GNLY: variants seen among roughly 807,000 people sequenced by gnomAD.
GNLY encodes granulysin.
GNLY carries 15 observed loss-of-function variants against 18.5 expected under a neutral mutation model. The ratio of observed to expected loss-of-function variants is 0.81; its 90% confidence interval spans 0.54 to 1.25. The LOEUF is 1.25. GNLY is among the 50% of genes most tolerant of loss of function. GNLY has a pLI of 0.00. For missense variants in GNLY, 178 were observed against 186.9 expected, an observed-to-expected ratio of 0.95 and a Z score of 0.28; for synonymous variants, 77 against 74.9, an observed-to-expected ratio of 1.03 and a Z score of -0.14.
chr2:85,695,309 G>C lies in GNLY; in HGVS notation c.53-11G>C, dbSNP rs538989463. On this transcript the variant is annotated splice_polypyrimidine_tract_variant and intron_variant, in intron 1 of 4. Coordinates refer to ENST00000263863, the MANE Select transcript of GNLY (RefSeq NM_006433.5). ...CCTGCGGAGGGGAAGCTGAAGTCTG[G>C]TCTTCCTCAGGTCTGGTCTTCTCTC... 4.0e-5 allele frequency: 63 copies of C among 1,579,606 alleles called. No homozygotes were observed. The South Asian group carries it at 6.0e-4, about 15-fold the overall frequency.
In GNLY at chr2:85,698,834, A is replaced by C; in HGVS notation, c.*260A>C. ...GGTGAGCTGTGTAGTCCTTCAATAA[A>C]TGTCTGTCGTGTGTCCCATACACTG... On this transcript the variant is annotated 3_prime_UTR_variant, in exon 5 of 5. Coordinates refer to ENST00000263863, the MANE Select transcript of GNLY (RefSeq NM_006433.5). The C allele has an allele frequency of 7.0e-7, 1 of 1,427,152 alleles. No individual in the cohort carries two copies. Among genetic ancestry groups the C allele is most frequent in the Non-Finnish European group, 9.2e-7 (1 of 1,089,494 alleles). 88.4% of individuals were successfully genotyped at this position (1,427,152 alleles called of 1,614,324 possible). A position where few individuals can be genotyped will look rare whatever the true frequency, so the allele number is the denominator to read the frequency against.
At chr2:85,694,938 C>G in intron 1 of GNLY, 5 of 1,583,022 alleles carry the variant, frequency 3.2e-6, no homozygotes, top group Non-Finnish European at 4.3e-6. Flanking sequence ...GTGTGAGCCC[C>G]AAGGGCAAGA....
intron 1 of GNLY, 123 bp from the exon 2 acceptor site, chr2:85,695,197 C>T (rs1233764960): frequency 6.1e-6 from 5 of 825,818 alleles, no homozygotes; most frequent in East Asian, 5.3e-5. Flanking sequence ...GTATCCTGGC[C>T]CCCTGCAAGG....
In GNLY at chr2:85,694,429, G is replaced by T. The variant is rs10181739; in HGVS notation, c.11G>T (p.Trp4Leu). Residue 4 changes from tryptophan (W) to leucine (L), a missense_variant, in exon 1 of 5, where the codon TGG becomes TTG. By Grantham distance (61) the Trp-to-Leu change is moderately conservative. Transcript: ENST00000263863. Reference protein sequence around the residue: MATWALLLLAAMLL... With the variant: MATLALLLLAAMLL... ...AGCGGCTGCCCCACCATGGCTACCTGGGCCCTCCTGCTCCTTGCAGCCATG... is the reference window on the plus strand; with the variant it reads ...AGCGGCTGCCCCACCATGGCTACCTTGGCCCTCCTGCTCCTTGCAGCCATG... 1.2e-6 allele frequency: 2 copies of T among 1,614,072 alleles called. No homozygotes were observed. Among genetic ancestry groups the T allele is most frequent in the South Asian group, 2.2e-5 (2 of 91,074 alleles).
intron 1 of GNLY, chr2:85,694,736 C>T (rs535021839): frequency 1.0e-5 from 15 of 1,437,894 alleles, no homozygotes; most frequent in Non-Finnish European, 1.3e-5. Context: ...GCCTGAGACC[C>T]CCCTTTCCCT....
Position 85,697,501 on chromosome 2 carries a change from T to C in GNLY, c.256-5T>C. 6.2e-7 allele frequency: 1 copy of C among 1,611,768 alleles called. No individual in the cohort carries two copies. On this transcript the variant is annotated splice_polypyrimidine_tract_variant and splice_region_variant and intron_variant, in intron 3 of 4. Transcript: ENST00000263863. ...ACCATGTCCACTGTGGTGCTGCTGCTGCAGAGAAGTGTTTCCAATGCTGCG... is the reference window on the plus strand; with the variant it reads ...ACCATGTCCACTGTGGTGCTGCTGCCGCAGAGAAGTGTTTCCAATGCTGCG...
intron 2 of GNLY, 108 bp downstream of exon 2, chr2:85,695,531 G>A: frequency 1.4e-6 from 1 of 705,564 alleles, no homozygotes. Flanking sequence ...AGGTGGGAGT[G>A]GAGGCTGGGC....
intron 1 of GNLY, chr2:85,694,837 G>A (rs961428520): frequency 1.3e-6 from 2 of 1,516,936 alleles, no homozygotes; most frequent in African/African-American, 1.4e-5. Flanking sequence ...GTCTAGGATT[G>A]TGCGGGGCTG....
chr2:85,695,351 C>T lies in GNLY; in HGVS notation c.84C>T (p.Tyr28=). Residue 28 remains tyrosine (Y), a synonymous_variant, in exon 2 of 5, where the codon TAC becomes TAT. Transcript: ENST00000263863. ...TCTTCTCTCGTCTGAGCCCTGAGTA[C>T]TACGACCTGGCAAGAGCCCACCTGC... ...GLVFSRLSPE[Y]YDLARAHLRD... 6.8e-6 allele frequency: 11 copies of T among 1,613,612 alleles called. No homozygotes were observed. Among genetic ancestry groups the T allele is most frequent in the Non-Finnish European group, 9.3e-6 (11 of 1,179,482 alleles).
In GNLY at chr2:85,698,626, C is replaced by A; in HGVS notation, c.*52C>A. 6.2e-7 allele frequency: 1 copy of A among 1,612,718 alleles called. No homozygotes were observed. The highest frequency in any genetic ancestry group is 8.5e-7 in the Non-Finnish European group (1 of 1,179,016). ...AGCACAGGCTCCTGTCCTCAGATCC[C>A]GGGAACCTCAGCAACCTCTGCCGGC... is the stretch of plus-strand genomic sequence containing the variant. On this transcript the variant is annotated 3_prime_UTR_variant, in exon 5 of 5. Coordinates refer to ENST00000263863, the MANE Select transcript of GNLY (RefSeq NM_006433.5).
intron 3 of GNLY, 145 bp downstream of exon 3, chr2:85,696,201 G>A (rs1678444080): frequency 9.9e-6 from 6 of 603,942 alleles, no homozygotes; most frequent in South Asian, 4.0e-5. Context: ...GTGAGTCCCC[G>A]TGTGTCTGTG....
At chr2:85,694,520 C>T in intron 1 of GNLY, 50 bp downstream of exon 1, 3 of 1,558,570 alleles carry the variant, frequency 1.9e-6, no homozygotes, top group Non-Finnish European at 1.8e-6. Flanking sequence ...CAGCCTCGCA[C>T]TCTCAGGCTG....
chr2:85,696,123 C>A, intron 3 of GNLY, 67 bp downstream of exon 3: 1 of 889,238 alleles, frequency 1.1e-6, no homozygotes, highest in South Asian at 1.5e-5. Flanking sequence ...GTGACCAGGT[C>A]GGGGATCGGG....
At chr2:85,694,563 C>T (rs1320306651) in intron 1 of GNLY, 93 bp downstream of exon 1, 8 of 1,292,832 alleles carry the variant, frequency 6.2e-6, no homozygotes, top group Admixed American at 3.9e-5. Context: ...TGTGGGCACC[C>T]AGGTGCCCCT....
At chr2:85,694,772 G>A (rs532739574) in intron 1 of GNLY, 51 of 1,441,726 alleles carry the variant, frequency 3.5e-5, no homozygotes, top group Non-Finnish European at 4.5e-5. Context: ...CCGCATCTGC[G>A]TGGTGAAGGC....
chr2:85,695,115 A>G, intron 1 of GNLY: 7 of 1,057,884 alleles, frequency 6.6e-6, no homozygotes, highest in East Asian at 2.6e-5. Context: ...CTGGCTTTCT[A>G]GAAGGAACGT....
chr2:85,697,746 A>G lies in GNLY; in HGVS notation c.427+69A>G. 6.5e-6 allele frequency: 7 copies of G among 1,078,870 alleles called. No homozygotes were observed. In the South Asian group the frequency reaches 9.5e-5, roughly 15 times the overall value. The allele number at this position is 1,078,870 out of a possible 1,614,324, so 66.8% of individuals were successfully genotyped here. A position where few individuals can be genotyped will look rare whatever the true frequency, so the allele number is the denominator to read the frequency against. On this transcript the variant is annotated intron_variant, in intron 4 of 4. Transcript: ENST00000263863. Reference sequence around the variant, plus strand: ...GACAGCTTCCCCCAGGATATATCAAAGCTGCCTCCTTACTCCCCCATCTCC... The same window carrying G: ...GACAGCTTCCCCCAGGATATATCAAGGCTGCCTCCTTACTCCCCCATCTCC...
rs926444257 is a variant in GNLY at position 85,698,843 on chromosome 2, G to A, written c.*269G>A. The A allele has an allele frequency of 3.5e-6, 5 of 1,419,362 alleles. No individual in the cohort carries two copies. In the African/African-American group the frequency reaches 4.3e-5, roughly 12 times the overall value. The allele number at this position is 1,419,362 out of a possible 1,614,324, so 87.9% of individuals were successfully genotyped here. A position where few individuals can be genotyped will look rare whatever the true frequency, so the allele number is the denominator to read the frequency against. ...TGTAGTCCTTCAATAAATGTCTGTC[G>A]TGTGTCCCATACACTGTTGTAGATG... is the stretch of plus-strand genomic sequence containing the variant. On this transcript the variant is annotated 3_prime_UTR_variant, in exon 5 of 5. Coordinates refer to ENST00000263863, the MANE Select transcript of GNLY (RefSeq NM_006433.5).
At chr2:85,694,833 G>A in intron 1 of GNLY, 1 of 1,511,796 alleles carries the variant, frequency 6.6e-7, no homozygotes, top group Non-Finnish European at 8.8e-7. Context: ...CACTGTCTAG[G>A]ATTGTGCGGG....
Sources: gnomAD v4.1 joint callset for allele counts on GRCh38, gnomAD v4.1.1 for gene constraint, MANE v1.5 for transcripts, NCBI Gene and HGNC (gene_info 2026-07-23, HGNC 2026-07-21) for gene names.